ANK3: variants seen among roughly 807,000 people sequenced by gnomAD.
ANK3 encodes the protein ankyrin-3.
Under a neutral mutation model 370.9 loss-of-function variants are expected in ANK3, and 57 were observed. The observed-to-expected ratio is 0.15, with a 90% CI of 0.12 to 0.19. The LOEUF (loss-of-function observed/expected upper bound fraction) is 0.19. Among genes scored for constraint, ANK3 ranks in the 10% least tolerant of loss-of-function variants. The probability of loss-of-function intolerance (pLI) is 1.00; values close to 1 mark genes in which losing one functional copy is unlikely to be tolerated. For missense variants in ANK3, 4,439 were observed against 5,302.1 expected, an observed-to-expected ratio of 0.84 and a Z score of 5.06; for synonymous variants, 1,929 against 1,946.3, an observed-to-expected ratio of 0.99 and a Z score of 0.23.
intron 2 of ANK3, among the ~76,000 whole-genome samples, chr10:60,561,440 C>A (rs1041418367): frequency 1.3e-5 from 2 of 152,082 alleles, no homozygotes; most frequent in Non-Finnish European, 2.9e-5. Flanking sequence ...AAATTCCTCA[C>A]GTACATAAGG....
chr10:60,402,556 T>C (rs2063372877), intron 2 of ANK3, among the ~76,000 whole-genome samples: 1 of 152,210 alleles, frequency 6.6e-6, no homozygotes, highest in Non-Finnish European at 1.5e-5. Flanking sequence ...TTCCTCCCTA[T>C]AAGTCTGAGT....
At chr10:60,725,043 T>C (rs1277036429) in intron 1 of ANK3, among the ~76,000 whole-genome samples, 2 of 152,240 alleles carry the variant, frequency 1.3e-5, no homozygotes, top group African/African-American at 4.8e-5. Flanking sequence ...GCAGCCATTC[T>C]AACGTGTTTA....
chr10:60,374,972 G>C (rs2060576176), intron 1 of ANK3, among the ~76,000 whole-genome samples: 1 of 151,976 alleles, frequency 6.6e-6, no homozygotes, highest in African/African-American at 2.4e-5. Flanking sequence ...TCTTCATTTG[G>C]GAAGAGGAAA....
chr10:60,612,136 C>G (rs1025660588), intron 2 of ANK3, among the ~76,000 whole-genome samples: 1 of 152,124 alleles, frequency 6.6e-6, no homozygotes, highest in African/African-American at 2.4e-5. Flanking sequence ...GCAGAGGCCC[C>G]AGACATTTTG....
At chr10:60,046,145 G>A (rs2076925035) in intron 42 of ANK3, among the ~76,000 whole-genome samples, 1 of 152,160 alleles carries the variant, frequency 6.6e-6, no homozygotes, top group Non-Finnish European at 1.5e-5. Flanking sequence ...AAATGTAGAG[G>A]TCTTGTGTAA....
At chr10:60,432,747 G>A (rs1476296755) in intron 2 of ANK3, among the ~76,000 whole-genome samples, 1 of 152,146 alleles carries the variant, frequency 6.6e-6, no homozygotes, top group Non-Finnish European at 1.5e-5. Context: ...ATGGGTACAG[G>A]AATAAAATGT....
chr10:60,536,888 A>C (rs1299245611), intron 2 of ANK3, among the ~76,000 whole-genome samples: 1 of 152,064 alleles, frequency 6.6e-6, no homozygotes, highest in Non-Finnish European at 1.5e-5. Context: ...TTTATGCGAG[A>C]ATAAATCATG....
chr10:60,448,302 A>C (rs1272443342), intron 2 of ANK3, among the ~76,000 whole-genome samples: 1 of 152,232 alleles, frequency 6.6e-6, no homozygotes, highest in East Asian at 1.9e-4. Context: ...ATGAAACTAC[A>C]TCACTCTGGA....
intron 2 of ANK3, among the ~76,000 whole-genome samples, chr10:60,581,423 T>C (rs1227045799): frequency 5.9e-5 from 1 of 17,058 alleles, no homozygotes. Context: ...TTGCCCTTTT[T>C]TTTTTTTTTT....
chr10:60,624,073 G>A lies in ANK3; in HGVS notation c.58-8849C>T, dbSNP rs1346858169. ...CTTGAGGGTAGAGGGAGGGAGAAGA[G>A]CAAGGATGGAAAAACTACCTTTTGA... On this transcript the variant is annotated intron_variant, in intron 1 of 43. Coordinates refer to the ANK3 transcript ENST00000373827. Among the ~76,000 whole-genome samples the A allele has an allele frequency of 2.0e-5, 3 of 152,094 alleles. No homozygotes were observed. The East Asian group carries it at 5.8e-4, about 29-fold the overall frequency.
At chr10:60,258,615 A>G (rs1445747830) in intron 7 of ANK3, among the ~76,000 whole-genome samples, 1 of 152,144 alleles carries the variant, frequency 6.6e-6, no homozygotes, top group Non-Finnish European at 1.5e-5. Flanking sequence ...GTTTCTACCT[A>G]TTATCTGCTT....
At chr10:60,274,639 G>T (rs1055529428) in intron 4 of ANK3, among the ~76,000 whole-genome samples, 2 of 152,030 alleles carry the variant, frequency 1.3e-5, no homozygotes, top group Non-Finnish European at 2.9e-5. Context: ...CAGGTCAAAG[G>T]GTAATCCTAC....
At position 60,068,737 on chromosome 10, in the gene ANK3, C is replaced by T. The variant is rs183126259; in HGVS notation, c.12144G>A (p.Ser4048=). Residue 4048 remains serine, a synonymous_variant, in exon 37 of 44, where the codon TCG becomes TCA. Transcript: ENST00000280772. ...TATCTCTAGCAGACTTCGTTGTAACCGAAGGCTGGCCACCCCGGGAAGTCT... is the reference window on the plus strand; with the variant it reads ...TATCTCTAGCAGACTTCGTTGTAACTGAAGGCTGGCCACCCCGGGAAGTCT... ...LSETSRGGQP[S]VTTKSARDKK... is the part of the protein sequence containing the mutation. The T allele has an allele frequency of 4.5e-4, 722 of 1,614,124 alleles. 8 individuals carry two copies. Among genetic ancestry groups the T allele is most frequent in the South Asian group, 2.3e-4 (21 of 91,078 alleles).
In ANK3 at chr10:60,226,464, T is replaced by A. The variant is rs1178479754; in HGVS notation, c.897+8224A>T. 1.7e-3 allele frequency among the ~76,000 whole-genome samples: 188 copies of A among 112,558 alleles called. 1 individual carries two copies. Among genetic ancestry groups the A allele is most frequent in the Non-Finnish European group, 2.8e-3 (168 of 59,486 alleles). 73.8% of individuals were successfully genotyped at this position (112,558 alleles called of 152,430 possible). A position where few individuals can be genotyped will look rare whatever the true frequency, so the allele number is the denominator to read the frequency against. On this transcript the variant is annotated intron_variant, in intron 8 of 43. Coordinates refer to ENST00000280772, the MANE Select transcript of ANK3 (RefSeq NM_020987.5). ...AACATACTATAAAATATAGTATATA[T>A]ACATAGTATATATACTATATATATA... is the stretch of plus-strand genomic sequence containing the variant.
At chr10:60,200,583 C>T (rs908592501) in intron 12 of ANK3, among the ~76,000 whole-genome samples, 6 of 152,204 alleles carry the variant, frequency 3.9e-5, no homozygotes, top group East Asian at 3.9e-4. Context: ...CCCACACCTG[C>T]GCTGAAGCAG....
chr10:60,700,918 AAGAT>A, intron 1 of ANK3, among the ~76,000 whole-genome samples: 1 of 152,190 alleles, frequency 6.6e-6, no homozygotes, highest in African/African-American at 2.4e-5. Flanking sequence ...TAAAAACAAT[AAGAT>A]AAAGATAAAT....
At chr10:60,256,731 C>T (rs546834217) in intron 7 of ANK3, among the ~76,000 whole-genome samples, 6 of 152,258 alleles carry the variant, frequency 3.9e-5, no homozygotes, top group African/African-American at 1.4e-4. Flanking sequence ...TACTTGGTTT[C>T]CTGTTCCTGC....
At chr10:60,388,943 G>A (rs941928145) in intron 1 of ANK3, among the ~76,000 whole-genome samples, 3 of 152,180 alleles carry the variant, frequency 2.0e-5, no homozygotes, top group African/African-American at 7.2e-5. Context: ...AATGACTTTT[G>A]TGCTACTCCT....
chr10:60,250,362 T>C (rs565325558), intron 7 of ANK3, among the ~76,000 whole-genome samples: 7 of 152,304 alleles, frequency 4.6e-5, no homozygotes, highest in African/African-American at 1.4e-4. Flanking sequence ...CATTTGCTTT[T>C]ATTTATTTTT....
Sources: allele counts gnomAD v4.1 joint callset (sites outside exome capture counted in the v4.1 genomes callset), GRCh38; gene constraint gnomAD v4.1.1; transcripts MANE v1.5; gene names NCBI Gene and HGNC (gene_info 2026-07-23, HGNC 2026-07-21).